Variants in ZNF512 observed in about 807,000 individuals in gnomAD.
The protein encoded by ZNF512 is zinc finger protein 512.
In ZNF512, 25 loss-of-function variants were observed where a neutral mutation model predicts 77.5. The ratio of observed to expected loss-of-function variants is 0.32; its 90% CI spans 0.23 to 0.45. The LOEUF (loss-of-function observed/expected upper bound fraction) is 0.45. ZNF512 is among the 20% of genes least tolerant of loss of function. ZNF512 has a pLI of 1.00. For synonymous variants in ZNF512, 246 were observed against 239.9 expected (o/e 1.03, Z -0.24); for missense variants, 483 against 692.6 (o/e 0.70, Z 3.40).
chr2:27,614,646 C>T (rs1325494196), intron 10 of ZNF512, among the ~76,000 whole-genome samples: 1 of 150,036 alleles, frequency 6.7e-6, no homozygotes, highest in Non-Finnish European at 1.5e-5. Flanking sequence ...CCACTGCACT[C>T]CAGCCTGGGC....
At chr2:27,587,338 C>T (rs1261764265) in intron 2 of ZNF512, among the ~76,000 whole-genome samples, 1 of 147,320 alleles carries the variant, frequency 6.8e-6, no homozygotes, top group Non-Finnish European at 1.5e-5. Context: ...GTGCAGTGGC[C>T]TGATCCTGGC....
At chr2:27,613,143 T>C (rs1672737029) in intron 10 of ZNF512, among the ~76,000 whole-genome samples, 1 of 152,008 alleles carries the variant, frequency 6.6e-6, no homozygotes, top group African/African-American at 2.4e-5. Flanking sequence ...GTATATTTTC[T>C]TATATCCCCT....
intron 3 of ZNF512, among the ~76,000 whole-genome samples, chr2:27,598,623 C>T (rs1387476945): frequency 4.8e-5 from 7 of 146,216 alleles, no homozygotes; most frequent in East Asian, 4.0e-4. Context: ...AGCGAGACTC[C>T]GTCTCAAAAA....
At chr2:27,604,201 A>G (rs993172086) in intron 9 of ZNF512, among the ~76,000 whole-genome samples, 1 of 152,208 alleles carries the variant, frequency 6.6e-6, no homozygotes, top group Non-Finnish European at 1.5e-5. Context: ...TGCTGGGATT[A>G]TAGGCGTGAG....
At chr2:27,621,071 C>T in intron 13 of ZNF512, 82 bp from the exon 14 acceptor site, 1 of 1,509,174 alleles carries the variant, frequency 6.6e-7, no homozygotes, top group Non-Finnish European at 8.9e-7. Flanking sequence ...CTAATCATGC[C>T]TTTTTTCCAT....
At chr2:27,594,289 G>A (rs996362698) in intron 2 of ZNF512, among the ~76,000 whole-genome samples, 4 of 129,132 alleles carry the variant, frequency 3.1e-5, no homozygotes, top group Non-Finnish European at 4.8e-5. Context: ...TCCTCAGTTC[G>A]CAGACGGGGT....
intron 2 of ZNF512, among the ~76,000 whole-genome samples, chr2:27,592,034 G>A (rs900995107): frequency 7.9e-5 from 12 of 152,306 alleles, no homozygotes; most frequent in African/African-American, 2.9e-4. Context: ...CCGTTGCCCA[G>A]GCTGGAATGC....
At chr2:27,593,247 AAAG>A (rs1671683306) in intron 2 of ZNF512, among the ~76,000 whole-genome samples, 1 of 137,342 alleles carries the variant, frequency 7.3e-6, no homozygotes, top group Non-Finnish European at 1.6e-5. Flanking sequence ...CACACACACA[AAAG>A]AATGAGCTGG....
chr2:27,594,153 G>T (rs182570341), intron 2 of ZNF512, among the ~76,000 whole-genome samples: 1 of 151,206 alleles, frequency 6.6e-6, no homozygotes, highest in African/African-American at 2.4e-5. Context: ...GGTGGCGGCC[G>T]GGCAGAGGCG....
intron 13 of ZNF512, among the ~76,000 whole-genome samples, chr2:27,620,061 A>G (rs747297946): frequency 2.0e-5 from 3 of 152,210 alleles, no homozygotes; most frequent in Non-Finnish European, 4.4e-5. Context: ...CAAAAAAAGT[A>G]CTGTGAGCCA....
chr2:27,598,201 C>G lies in ZNF512; in HGVS notation c.224C>G (p.Thr75Ser). Reference protein sequence around the residue: ...SDFPASFRKSTYWMKMRRIKP... With the variant: ...SDFPASFRKSSYWMKMRRIKP... ...TTTCCAGCATCTTTCCGAAAATCTA[C>G]CTACTGGATGAAGATGAGAAGAATC... is the stretch of plus-strand genomic sequence containing the variant. The change falls in exon 3 of 14, where the codon ACC becomes AGC. Residue 75 changes from threonine to serine, a missense_variant. Transcript: ENST00000355467. 6.2e-7 allele frequency: 1 copy of G among 1,614,064 alleles called. No homozygotes were observed. Among genetic ancestry groups the G allele is most frequent in the South Asian group, 1.1e-5 (1 of 91,078 alleles).
chr2:27,604,070 G>A (rs1350561566), intron 9 of ZNF512, among the ~76,000 whole-genome samples: 3 of 152,040 alleles, frequency 2.0e-5, no homozygotes, highest in Admixed American at 1.3e-4. Context: ...GGGATTACAG[G>A]TGCGTGCCAC....
chr2:27,588,946 G>T (rs1323135992), intron 2 of ZNF512, among the ~76,000 whole-genome samples: 1 of 152,090 alleles, frequency 6.6e-6, no homozygotes, highest in Non-Finnish European at 1.5e-5. Context: ...TGTTAGGTTT[G>T]TTCCCAGGTA....
intron 12 of ZNF512, 114 bp from the exon 13 acceptor site, chr2:27,617,359 C>T (rs971769445): frequency 9.3e-6 from 6 of 648,400 alleles, no homozygotes; most frequent in East Asian, 5.3e-5. Flanking sequence ...CTTTTTCCTT[C>T]TTATCTTTGC....
At chr2:27,605,817 G>A (rs567487093) in intron 9 of ZNF512, among the ~76,000 whole-genome samples, 179 of 152,276 alleles carry the variant, frequency 1.2e-3, no homozygotes, top group Non-Finnish European at 2.1e-3. Flanking sequence ...TTTCCCTTGG[G>A]TAAATACTTA....
chr2:27,603,297 A>T lies in ZNF512; in HGVS notation c.926A>T (p.Glu309Val). The T allele has an allele frequency of 6.2e-7, 1 of 1,613,834 alleles. No homozygotes were observed. The highest frequency in any genetic ancestry group is 8.5e-7 in the Non-Finnish European group (1 of 1,179,856). Residue 309 changes from glutamate (E) to valine (V), a missense_variant, in exon 9 of 14, where the codon GAG becomes GTG. Transcript: ENST00000355467. ...KAGLAYHLRS[E>V]HGPISFFPES... Reference sequence around the variant, plus strand: ...GGACTTGCATATCACCTGAGGTCAGAGCATGGGCCTGTGAGTACTGATTCC... The same window carrying T: ...GGACTTGCATATCACCTGAGGTCAGTGCATGGGCCTGTGAGTACTGATTCC...
At chr2:27,617,417 C>T in intron 12 of ZNF512, 56 bp from the exon 13 acceptor site, 1 of 786,362 alleles carries the variant, frequency 1.3e-6, no homozygotes, top group Non-Finnish European at 2.4e-6. Flanking sequence ...TACACATAGC[C>T]CAGTTATGTT....
intron 2 of ZNF512, among the ~76,000 whole-genome samples, chr2:27,591,438 A>G (rs756859976): frequency 9.2e-5 from 14 of 152,134 alleles, no homozygotes; most frequent in Non-Finnish European, 1.9e-4. Flanking sequence ...TTATTTTGAG[A>G]CAGAGTCTCG....
intron 9 of ZNF512, among the ~76,000 whole-genome samples, chr2:27,606,517 G>A (rs1262474276): frequency 1.3e-5 from 2 of 151,804 alleles, no homozygotes; most frequent in Admixed American, 6.6e-5. Context: ...GCCCGCCACC[G>A]TGCCTGGCTA....
Sources: gnomAD v4.1 joint callset for allele counts (sites outside exome capture counted in the v4.1 genomes callset) on GRCh38, gnomAD v4.1.1 for gene constraint, MANE v1.5 for transcripts, NCBI Gene and HGNC (gene_info 2026-07-23, HGNC 2026-07-21) for gene names.